Variants in UGT1A7 observed in about 807,000 individuals in gnomAD.
UGT1A7 encodes the protein UDP-glucuronosyltransferase 1A7.
UGT1A7 carries 33 observed loss-of-function variants against 45.6 expected under a neutral mutation model. The observed-to-expected ratio is 0.72, with a 90% CI of 0.55 to 0.97. The LOEUF is 0.97. Among genes scored for constraint, UGT1A7 ranks in the 50% least tolerant of loss-of-function variants. The pLI, the probability that UGT1A7 is intolerant of heterozygous loss-of-function variation, is 0.00. For missense variants in UGT1A7, 684 were observed against 666.2 expected (o/e 1.03, Z -0.29); for synonymous variants, 274 against 250.6 (o/e 1.09, Z -0.88).
intron 1 of UGT1A7, among the ~76,000 whole-genome samples, chr2:233,759,869 A>G (rs1186818099): frequency 6.6e-6 from 1 of 152,190 alleles, no homozygotes; most frequent in African/African-American, 2.4e-5. Flanking sequence ...AAGCGGGGGT[A>G]CAGTTGTGTT....
At position 233,696,719 on chromosome 2, in the gene UGT1A7, G is replaced by A. The variant is rs112627579; in HGVS notation, c.855+13927G>A. ...TCTTATTCCAGATTTTAGAGGAACA[G>A]TTTTCAGTTTTACCCTTTTCAGTAT... is the stretch of plus-strand genomic sequence containing the variant. On this transcript the variant is annotated intron_variant, in intron 1 of 4. Transcript: ENST00000373426. Among the ~76,000 whole-genome samples, 287 of 152,106 alleles carry A rather than the reference G, an allele frequency of 1.9e-3. 1 individual carries two copies. The highest frequency in any genetic ancestry group is 6.8e-3 in the African/African-American group (283 of 41,504).
intron 1 of UGT1A7, among the ~76,000 whole-genome samples, chr2:233,757,551 T>TATATATATATATATATACATATAC (rs1696621999): frequency 1.3e-5 from 1 of 78,674 alleles, no homozygotes; most frequent in Non-Finnish European, 2.5e-5. Flanking sequence ...TATATATATA[T>TATATATATATATATATACATATAC]ATATATATAT....
chr2:233,682,476 G>C lies in UGT1A7; in HGVS notation c.539G>C (p.Gly180Ala), dbSNP rs1043406575. The C allele has an allele frequency of 6.2e-7, 1 of 1,613,894 alleles. No individual in the cohort carries two copies. Among genetic ancestry groups the C allele is most frequent in the Non-Finnish European group, 8.5e-7 (1 of 1,179,850 alleles). Residue 180 changes from glycine to alanine, a missense_variant, in exon 1 of 5, where the codon GGT becomes GCT. Physicochemically the swap from Gly to Ala is moderately conservative, Grantham distance 60. Coordinates refer to ENST00000373426, the MANE Select transcript of UGT1A7 (RefSeq NM_019077.3). ...ATATTTTGCCACTATCTTGAAGAAGGTGCACAGTGCCCTGCTCCTCTTTCC... is the reference window on the plus strand; with the variant it reads ...ATATTTTGCCACTATCTTGAAGAAGCTGCACAGTGCCCTGCTCCTCTTTCC... The part of the protein sequence containing the change: ...RGIFCHYLEE[G>A]AQCPAPLSYV...
chr2:233,718,671 G>A (rs2125661648), intron 1 of UGT1A7: 2 of 1,551,780 alleles, frequency 1.3e-6, no homozygotes, highest in Non-Finnish European at 1.7e-6. Flanking sequence ...ATAGATTAAT[G>A]GGTAATAAGT....
chr2:233,700,192 T>C (rs895765902), intron 1 of UGT1A7, among the ~76,000 whole-genome samples: 1 of 152,232 alleles, frequency 6.6e-6, no homozygotes, highest in African/African-American at 2.4e-5. Context: ...AATCTCAGCC[T>C]TTGTTGGCTG....
At chr2:233,721,319 C>T (rs1043522637) in intron 1 of UGT1A7, among the ~76,000 whole-genome samples, 9 of 152,144 alleles carry the variant, frequency 5.9e-5, no homozygotes, top group African/African-American at 2.2e-4. Flanking sequence ...TGGCTCTTTT[C>T]TTGTGGTTTT....
chr2:233,693,647 A>G (rs1447180794), intron 1 of UGT1A7: 1 of 1,614,068 alleles, frequency 6.2e-7, no homozygotes, highest in African/African-American at 1.3e-5. Flanking sequence ...CTTCCTTGTT[A>G]ATTTGTTGGA....
chr2:233,721,547 C>A, intron 1 of UGT1A7: 1 of 164,174 alleles, frequency 6.1e-6, no homozygotes. Flanking sequence ...TAAATTTTTT[C>A]TTCAGTTTCT....
At chr2:233,763,334 A>C (rs1454444157) in intron 1 of UGT1A7, among the ~76,000 whole-genome samples, 1 of 152,148 alleles carries the variant, frequency 6.6e-6, no homozygotes, top group Non-Finnish European at 1.5e-5. Flanking sequence ...TTTTGTTTAC[A>C]TTTCCCTAGC....
chr2:233,724,791 C>T (rs1433624542), intron 1 of UGT1A7, among the ~76,000 whole-genome samples: 3 of 139,654 alleles, frequency 2.1e-5, no homozygotes, highest in Non-Finnish European at 4.6e-5. Context: ...ACTTCCCAGA[C>T]GGGGTGGCGG....
rs964213148 is a variant in UGT1A7, at chr2:233,713,486, G to A, written c.855+30694G>A. The A allele has an allele frequency of 3.1e-6, 5 of 1,613,870 alleles. No individual in the cohort carries two copies. The Admixed American group carries it at 8.3e-5, about 27-fold the overall frequency. On this transcript the variant is annotated intron_variant, in intron 1 of 4. Coordinates refer to ENST00000373426, the MANE Select transcript of UGT1A7 (RefSeq NM_019077.3). ...GCGCGGCGGTGCTGGCTAAGTACCT[G>A]TCGATTCCTGCTGTGTTTTTCTTGA...
chr2:233,763,933 G>A (rs1374530707), intron 1 of UGT1A7, among the ~76,000 whole-genome samples: 1 of 152,232 alleles, frequency 6.6e-6, no homozygotes, highest in African/African-American at 2.4e-5. Context: ...ATGGCCAGGA[G>A]AGGAAAGCTT....
At chr2:233,694,710 C>A (rs934435713) in intron 1 of UGT1A7, among the ~76,000 whole-genome samples, 1 of 152,132 alleles carries the variant, frequency 6.6e-6, no homozygotes, top group Non-Finnish European at 1.5e-5. Flanking sequence ...TTCTTTACAC[C>A]TGCTGATTTC....
chr2:233,757,244 TG>T (rs1006811310), intron 1 of UGT1A7, among the ~76,000 whole-genome samples: 12 of 99,552 alleles, frequency 1.2e-4, no homozygotes, highest in African/African-American at 4.8e-4. Context: ...GGTGGTGAGG[TG>T]GGGTTATTCA....
intron 1 of UGT1A7, chr2:233,691,730 A>T (rs1048657443): frequency 1.5e-5 from 12 of 777,576 alleles, no homozygotes; most frequent in Non-Finnish European, 1.9e-5. Context: ...TGGCTGGGCC[A>T]GAAGCAGATA....
In UGT1A7 at chr2:233,772,428, G is replaced by A. The variant is rs747543462; in HGVS notation, c.1462G>A (p.Val488Met). The change falls in exon 5 of 5, where the codon GTG becomes ATG. Residue 488 changes from valine (V) to methionine (M), a missense_variant. Coordinates refer to ENST00000373426, the MANE Select transcript of UGT1A7 (RefSeq NM_019077.3). ...CTGGTACCAGTACCATTCCTTGGAC[G>A]TGATTGGTTTCCTCTTGGCCGTCGT... The part of the protein sequence containing the change: ...LTWYQYHSLD[V>M]IGFLLAVVLT... 9 of 1,614,096 alleles carry A rather than the reference G, an allele frequency of 5.6e-6. No homozygotes were observed. The highest frequency in any genetic ancestry group is 3.3e-5 in the Admixed American group (2 of 60,006).
chr2:233,729,266 T>A (rs6431625), intron 1 of UGT1A7: 2 of 1,613,820 alleles, frequency 1.2e-6, no homozygotes, highest in East Asian at 4.5e-5. Context: ...ATGCGGGAGG[T>A]CTTGCGGGAG....
rs774677126 is a variant in UGT1A7 at position 233,772,538 on chromosome 2, C to A, written c.1572C>A (p.Ala524=). The change falls in exon 5 of 5, where the codon GCC becomes GCA. Residue 524 remains alanine, a synonymous_variant. Coordinates refer to ENST00000373426, the MANE Select transcript of UGT1A7 (RefSeq NM_019077.3). ...CLGKKGRVKK[A]HKSKTH ...GGAAAAAAGGGCGAGTTAAGAAAGC[C>A]CACAAATCCAAGACCCATTGAGAAG... The A allele has an allele frequency of 3.7e-6, 6 of 1,613,922 alleles. No homozygotes were observed. The Admixed American group carries it at 8.3e-5, about 22-fold the overall frequency.
intron 1 of UGT1A7, among the ~76,000 whole-genome samples, chr2:233,736,004 C>T (rs1319353542): frequency 6.6e-6 from 1 of 152,188 alleles, no homozygotes; most frequent in Non-Finnish European, 1.5e-5. Context: ...TTGTTCTTCT[C>T]GAGGAGTATC....
Sources: allele counts gnomAD v4.1 joint callset (sites outside exome capture counted in the v4.1 genomes callset), GRCh38; gene constraint gnomAD v4.1.1; transcripts MANE v1.5; gene names NCBI Gene and HGNC (gene_info 2026-07-23, HGNC 2026-07-21).